Variants in HECTD2 observed in about 807,000 individuals in gnomAD.
HECTD2 encodes probable E3 ubiquitin-protein ligase HECTD2.
Under a neutral mutation model 103.2 loss-of-function variants are expected in HECTD2, and 35 were observed. The ratio of observed to expected loss-of-function variants is 0.34; its 90% CI spans 0.26 to 0.45. The LOEUF is 0.45. HECTD2 is among the 20% of genes least tolerant of loss of function. The probability of loss-of-function intolerance (pLI) is 1.00; values close to 1 mark genes in which losing one functional copy is unlikely to be tolerated. For missense variants in HECTD2, 596 were observed against 937.4 expected (o/e 0.64, Z 4.76); for synonymous variants, 281 against 329.9 (o/e 0.85, Z 1.61).
At chr10:91,486,479 C>T (rs1450164120) in intron 10 of HECTD2, 2 of 152,084 alleles carry the variant, frequency 1.3e-5, no homozygotes, top group Non-Finnish European at 2.9e-5. Flanking sequence ...ACTGGTGTAC[C>T]AAGAATGAGT....
At chr10:91,455,147 T>A (rs952607297) in intron 2 of HECTD2, among the ~76,000 whole-genome samples, 3 of 152,198 alleles carry the variant, frequency 2.0e-5, no homozygotes, top group African/African-American at 7.2e-5. Flanking sequence ...ATCGCCACAC[T>A]GTCTTCCACA....
At chr10:91,502,485 G>C (rs1395521094) in intron 20 of HECTD2, among the ~76,000 whole-genome samples, 2 of 152,176 alleles carry the variant, frequency 1.3e-5, no homozygotes, top group Admixed American at 6.5e-5. Context: ...CTTCAAGAAA[G>C]AGGTTATGCC....
rs947875292 is a variant in HECTD2, at chr10:91,429,303, C to T, written c.268+3893C>T. 1.8e-3 allele frequency among the ~76,000 whole-genome samples: 279 copies of T among 152,234 alleles called. 1 individual carries two copies. The highest frequency in any genetic ancestry group is 6.0e-3 in the African/African-American group (251 of 41,524). On this transcript the variant is annotated intron_variant, in intron 2 of 20. Coordinates refer to ENST00000298068, the MANE Select transcript of HECTD2 (RefSeq NM_182765.6). The stretch of plus-strand genomic sequence containing the variant: ...GCCAGTATTTTATTGAGGATTTTTG[C>T]ATCAATGTTCATCAAGGATATTGGT...
At chr10:91,478,322 A>AT (rs1025385147) in intron 6 of HECTD2, 57 bp downstream of exon 6, 4 of 1,020,444 alleles carry the variant, frequency 3.9e-6, no homozygotes, top group African/African-American at 1.6e-5. Flanking sequence ...CTTACACATC[A>AT]TATATCTTTA....
At chr10:91,499,696 A>T (rs1024690078) in intron 18 of HECTD2, among the ~76,000 whole-genome samples, 1 of 152,124 alleles carries the variant, frequency 6.6e-6, no homozygotes, top group Non-Finnish European at 1.5e-5. Context: ...GTATCATAGG[A>T]TACCTTTCAG....
intron 5 of HECTD2, among the ~76,000 whole-genome samples, chr10:91,465,283 T>C (rs1417047886): frequency 6.6e-6 from 1 of 152,188 alleles, no homozygotes; most frequent in Non-Finnish European, 1.5e-5. Context: ...ATTGGAGGCA[T>C]TGTAATGATC....
intron 2 of HECTD2, among the ~76,000 whole-genome samples, chr10:91,454,101 G>GT (rs1426018803): frequency 2.0e-5 from 3 of 152,088 alleles, no homozygotes; most frequent in African/African-American, 7.2e-5. Flanking sequence ...GTCTCCAACT[G>GT]TAAGTGTATA....
At position 91,461,353 on chromosome 10, in the gene HECTD2, T is replaced by G; in HGVS notation, c.507T>G (p.Phe169Leu). The G allele has an allele frequency of 7.1e-7, 1 of 1,409,730 alleles. No homozygotes were observed. The highest frequency in any genetic ancestry group is 9.8e-7 in the Non-Finnish European group (1 of 1,025,494). 87.3% of individuals were successfully genotyped at this position (1,409,730 alleles called of 1,614,324 possible). The stretch of plus-strand genomic sequence containing the variant: ...CTTTCCCAGAATTAAATGCTGCATT[T>G]AAGGTAATTATACATAAAACACACT... ...FDSFPELNAA[F>L]KKDATASFNT... The change falls in exon 4 of 21, where the codon TTT (phenylalanine) becomes TTG (leucine). Residue 169 changes from phenylalanine to leucine, a missense_variant. Phe to Leu is a conservative substitution (Grantham distance 22). This residue lies in a region of HECTD2 where 220 missense variants were observed against 233.9 expected (regional missense o/e 0.94). Transcript: ENST00000298068.
chr10:91,491,274 A>G lies in HECTD2; in HGVS notation c.1266A>G (p.Arg422=). 1 of 1,566,616 alleles carries G rather than the reference A, an allele frequency of 6.4e-7. No individual in the cohort carries two copies. The highest frequency in any genetic ancestry group is 8.7e-7 in the Non-Finnish European group (1 of 1,143,806). ...MNILFLNMKV[R]RTHLVSDSLD... ...TATTATTTCTAAATATGAAAGTAAG[A>G]CGGACACATCTGGTTAGCGATTCAC... Residue 422 remains arginine, a synonymous_variant, in exon 12 of 21, where the codon AGA becomes AGG. Transcript: ENST00000298068.
intron 2 of HECTD2, among the ~76,000 whole-genome samples, chr10:91,446,007 C>A (rs1025629116): frequency 6.6e-6 from 1 of 151,828 alleles, no homozygotes; most frequent in Non-Finnish European, 1.5e-5. Flanking sequence ...TTTTTATAAC[C>A]CAGTGGCGCC....
chr10:91,512,003 A>G (rs1194584357), intron 20 of HECTD2, among the ~76,000 whole-genome samples: 4 of 152,202 alleles, frequency 2.6e-5, no homozygotes, highest in African/African-American at 9.7e-5. Flanking sequence ...TCTGACTCCA[A>G]CAAAATGCTT....
chr10:91,437,649 T>G (rs1490099755), intron 2 of HECTD2, among the ~76,000 whole-genome samples: 4 of 149,908 alleles, frequency 2.7e-5, no homozygotes, highest in Non-Finnish European at 5.9e-5. Flanking sequence ...GGTTGTTTTG[T>G]TTTTTTTGTT....
chr10:91,477,110 A>G (rs989575759), intron 5 of HECTD2, among the ~76,000 whole-genome samples: 12 of 150,974 alleles, frequency 7.9e-5, no homozygotes, highest in Admixed American at 5.9e-4. Context: ...GAACCCGGGA[A>G]GCGGAGCTTG....
At chr10:91,501,490 A>G (rs1032741892) in intron 20 of HECTD2, among the ~76,000 whole-genome samples, 156 bp downstream of exon 20, 5 of 152,150 alleles carry the variant, frequency 3.3e-5, no homozygotes, top group Non-Finnish European at 7.4e-5. Context: ...AGAGATTTTG[A>G]TTAAAAGTTC....
intron 3 of HECTD2, 50 bp downstream of exon 3, chr10:91,460,615 CT>C: frequency 6.6e-7 from 1 of 1,519,090 alleles, no homozygotes. Context: ...CATGTCAGCA[CT>C]TTACATAATT....
chr10:91,444,184 T>C (rs372302158), intron 2 of HECTD2, among the ~76,000 whole-genome samples: 37 of 152,248 alleles, frequency 2.4e-4, no homozygotes, highest in African/African-American at 8.9e-4. Flanking sequence ...TATAAACACC[T>C]ACAATTAAAT....
At chr10:91,484,850 A>G (rs556391414) in intron 9 of HECTD2, among the ~76,000 whole-genome samples, 195 bp downstream of exon 9, 1 of 152,142 alleles carries the variant, frequency 6.6e-6, no homozygotes, top group South Asian at 2.1e-4. Flanking sequence ...TATGTCTTTT[A>G]GTGGACAGTG....
At chr10:91,437,619 C>CTTTTTTTTTTTTTTTTTTTGTTGTTTT (rs1844179173) in intron 2 of HECTD2, among the ~76,000 whole-genome samples, 1 of 87,426 alleles carries the variant, frequency 1.1e-5, no homozygotes, top group Non-Finnish European at 2.7e-5. Context: ...GATGGTTGTT[C>CTTTTTTTTTTTTTTTTTTTGTTGTTTT]TTTTTTTTTT....
Position 91,451,485 on chromosome 10 carries a change from G to A in HECTD2, c.269-8942G>A, listed in dbSNP as rs532454295. Among the ~76,000 whole-genome samples the A allele has an allele frequency of 2.3e-3, 343 of 151,918 alleles. 4 individuals are homozygous for A. The highest frequency in any genetic ancestry group is 7.8e-3 in the African/African-American group (322 of 41,444). On this transcript the variant is annotated intron_variant, in intron 2 of 20. Transcript: ENST00000298068. ...GTATACCTATGTAACAAACCTGCACGTTCTGCACATGTATTCCAGAACTTA... is the reference window on the plus strand; with the variant it reads ...GTATACCTATGTAACAAACCTGCACATTCTGCACATGTATTCCAGAACTTA...
Sources: allele counts gnomAD v4.1 joint callset (sites outside exome capture counted in the v4.1 genomes callset), GRCh38; gene constraint gnomAD v4.1.1; regional missense constraint gnomAD v4.1.1; transcripts MANE v1.5; gene names NCBI Gene and HGNC (gene_info 2026-07-23, HGNC 2026-07-21).